Variants in NLN observed in about 807,000 individuals in gnomAD.
The protein encoded by NLN is neurolysin, mitochondrial.
NLN carries 64 observed loss-of-function variants against 79.9 expected under a neutral mutation model. The observed-to-expected ratio is 0.80, with a 90% confidence interval of 0.65 to 0.99. The LOEUF (loss-of-function observed/expected upper bound fraction) is 0.99. Ranked by LOEUF, NLN falls within the 50% of genes least tolerant of loss-of-function variation. NLN has a pLI of 0.00. For synonymous variants in NLN, 267 were observed against 296.6 expected (o/e 0.90, Z 1.02); for missense variants, 835 against 858.7 (o/e 0.97, Z 0.34).
chr5:65,733,137 G>A (rs1036034362), intron 1 of NLN: 7 of 1,464,704 alleles, frequency 4.8e-6, no homozygotes, highest in Admixed American at 3.4e-5. Flanking sequence ...ATTCTGTCAT[G>A]CTTACCTAGC....
intron 11 of NLN, among the ~76,000 whole-genome samples, chr5:65,811,146 G>C (rs957114413): frequency 1.1e-4 from 17 of 152,108 alleles, no homozygotes; most frequent in African/African-American, 4.1e-4. Context: ...ATATAGTTGT[G>C]CTTTTATATG....
intron 2 of NLN, among the ~76,000 whole-genome samples, chr5:65,761,636 A>G (rs1759343097): frequency 1.3e-5 from 2 of 152,228 alleles, no homozygotes; most frequent in African/African-American, 4.8e-5. Flanking sequence ...GTTAACTAGT[A>G]TCACTTAAAT....
intron 8 of NLN, among the ~76,000 whole-genome samples, chr5:65,789,814 A>G (rs749108452): frequency 2.0e-5 from 3 of 152,220 alleles, no homozygotes; most frequent in African/African-American, 7.2e-5. Context: ...CCAATAATCT[A>G]TGGCCACTCC....
chr5:65,770,910 A>T (rs996413443), intron 3 of NLN, among the ~76,000 whole-genome samples: 2 of 152,236 alleles, frequency 1.3e-5, no homozygotes, highest in Non-Finnish European at 2.9e-5. Flanking sequence ...TACTTTATAA[A>T]GCTCGAAAAG....
chr5:65,803,618 GC>G, intron 9 of NLN, among the ~76,000 whole-genome samples: 1 of 151,788 alleles, frequency 6.6e-6, no homozygotes, highest in East Asian at 1.9e-4. Flanking sequence ...CCTTCTTCCA[GC>G]CCCTAAGAGT....
chr5:65,757,172 A>T (rs1308532160), intron 1 of NLN, among the ~76,000 whole-genome samples: 2 of 152,230 alleles, frequency 1.3e-5, no homozygotes, highest in Non-Finnish European at 1.5e-5. Context: ...GCTCATAAAT[A>T]TTAGCTGGGT....
chr5:65,785,281 G>A (rs940509946), intron 6 of NLN, among the ~76,000 whole-genome samples: 2 of 152,092 alleles, frequency 1.3e-5, no homozygotes, highest in African/African-American at 4.8e-5. Flanking sequence ...ATTCTCATCA[G>A]CAATGTGCAA....
chr5:65,784,058 G>T (rs917565247), intron 6 of NLN, among the ~76,000 whole-genome samples: 19 of 151,964 alleles, frequency 1.3e-4, no homozygotes, highest in African/African-American at 4.3e-4. Flanking sequence ...GAAAACTGAG[G>T]GTCAGAAAGC....
At chr5:65,729,318 G>GTATCAATTA (rs1245661457) in intron 1 of NLN, among the ~76,000 whole-genome samples, 1,951 of 151,274 alleles carry the variant, frequency 0.013, 42 homozygotes, top group African/African-American at 0.044. Flanking sequence ...TCAAGAGCTA[G>GTATCAATTA]GTTGACATTA....
intron 1 of NLN, among the ~76,000 whole-genome samples, chr5:65,757,907 G>A (rs1759256538): frequency 6.6e-6 from 1 of 152,038 alleles, no homozygotes; most frequent in South Asian, 2.1e-4. Context: ...GTACATAGTA[G>A]GTGAAAGTTA....
At chr5:65,765,812 A>G (rs1759439478) in intron 3 of NLN, among the ~76,000 whole-genome samples, 1 of 152,200 alleles carries the variant, frequency 6.6e-6, no homozygotes, top group Non-Finnish European at 1.5e-5. Context: ...CTCTACTAAA[A>G]TTAGGATGCT....
intron 8 of NLN, among the ~76,000 whole-genome samples, chr5:65,791,711 A>G (rs1473657416): frequency 2.6e-5 from 4 of 151,884 alleles, no homozygotes; most frequent in Admixed American, 2.6e-4. Flanking sequence ...TGACAGAGCA[A>G]GACTCTGTCT....
chr5:65,780,382 G>T (rs982038209), intron 5 of NLN, 101 bp downstream of exon 5: 8 of 557,916 alleles, frequency 1.4e-5, no homozygotes, highest in Non-Finnish European at 2.6e-5. Flanking sequence ...CTAAATCATA[G>T]TTCAAATAAT....
chr5:65,782,326 A>C (rs964285368), intron 6 of NLN, among the ~76,000 whole-genome samples: 2 of 152,216 alleles, frequency 1.3e-5, no homozygotes, highest in African/African-American at 4.8e-5. Context: ...TAGGGATCAA[A>C]TAATCCAAAC....
At chr5:65,799,040 C>T (rs1760227041) in intron 9 of NLN, among the ~76,000 whole-genome samples, 1 of 152,078 alleles carries the variant, frequency 6.6e-6, no homozygotes, top group Non-Finnish European at 1.5e-5. Context: ...TACCACTACA[C>T]CAGGGTAATT....
At chr5:65,782,254 A>G (rs1162870489) in intron 6 of NLN, among the ~76,000 whole-genome samples, 1 of 152,122 alleles carries the variant, frequency 6.6e-6, no homozygotes, top group Non-Finnish European at 1.5e-5. Context: ...ATTATCCTTG[A>G]TGACCATATC....
chr5:65,773,127 A>AC (rs1759606018), intron 3 of NLN, among the ~76,000 whole-genome samples: 1 of 96,610 alleles, frequency 1.0e-5, no homozygotes, highest in African/African-American at 4.2e-5. Context: ...CCTGAATTCT[A>AC]TTTTTTTTTT....
chr5:65,723,577 G>A lies in NLN; in HGVS notation c.41+1163G>A, dbSNP rs573922895. Among the ~76,000 whole-genome samples the A allele has an allele frequency of 2.3e-3, 346 of 152,238 alleles. 4 individuals carry two copies. Among genetic ancestry groups the A allele is most frequent in the African/African-American group, 7.6e-3 (315 of 41,528 alleles). ...TGCCTGTAATCCCAGCACTTTGGGA[G>A]GCCGAGGCGGGTGGATCACGAGGTC... On this transcript the variant is annotated intron_variant, in intron 1 of 12. Transcript: ENST00000380985.
rs756113423 is a variant in NLN, at chr5:65,781,427, A to G, written c.822+6A>G. Reference sequence around the variant, plus strand: ...TTAATACAAGGTGCAAAGAGGTATTATAAATGTTTGTCTTTCTTTTGTTTT... The same window carrying G: ...TTAATACAAGGTGCAAAGAGGTATTGTAAATGTTTGTCTTTCTTTTGTTTT... On this transcript the variant is annotated splice_donor_region_variant and intron_variant, in intron 6 of 12. Transcript: ENST00000380985. 1.1e-5 allele frequency: 18 copies of G among 1,585,268 alleles called. No homozygotes were observed. The highest frequency in any genetic ancestry group is 1.7e-4 in the Middle Eastern group (1 of 5,826).
Sources: gnomAD v4.1 joint callset for allele counts (sites outside exome capture counted in the v4.1 genomes callset) on GRCh38, gnomAD v4.1.1 for gene constraint, MANE v1.5 for transcripts, NCBI Gene and HGNC (gene_info 2026-07-23, HGNC 2026-07-21) for gene names.